HCN1: variants seen among roughly 807,000 people sequenced by gnomAD.
HCN1 encodes hyperpolarization activated cyclic nucleotide gated potassium channel 1.
A neutral mutation model predicts 78.9 loss-of-function variants in HCN1; 13 were observed. The ratio of observed to expected loss-of-function variants is 0.16; its 90% CI spans 0.11 to 0.26. HCN1 has a LOEUF of 0.26. Ranked by LOEUF, HCN1 falls within the 10% of genes least tolerant of loss-of-function variation. The probability of loss-of-function intolerance (pLI) is 1.00; values close to 1 mark genes in which losing one functional copy is unlikely to be tolerated. For synonymous variants in HCN1, 552 were observed against 455.5 expected (o/e 1.21, Z -2.70); for missense variants, 810 against 1,154.3 (o/e 0.70, Z 4.32).
At chr5:45,618,019 G>T (rs941567214) in intron 2 of HCN1, among the ~76,000 whole-genome samples, 1 of 134,684 alleles carries the variant, frequency 7.4e-6, no homozygotes, top group Non-Finnish European at 1.7e-5. Flanking sequence ...ATTTTCTCAG[G>T]AGCTCATTAT....
At chr5:45,565,951 A>T (rs1375254439) in intron 2 of HCN1, among the ~76,000 whole-genome samples, 1 of 152,214 alleles carries the variant, frequency 6.6e-6, no homozygotes, top group Non-Finnish European at 1.5e-5. Flanking sequence ...AACAAAATAA[A>T]ATTGAAATGT....
intron 2 of HCN1, among the ~76,000 whole-genome samples, chr5:45,566,956 CAGGTTAT>C (rs1743720193): frequency 6.6e-6 from 1 of 152,120 alleles, no homozygotes; most frequent in African/African-American, 2.4e-5. Flanking sequence ...CTCTCTGATA[CAGGTTAT>C]AGGTTAAGAA....
At position 45,571,718 on chromosome 5, in the gene HCN1, G is replaced by A. The variant is rs577085827; in HGVS notation, c.849+73467C>T. On this transcript the variant is annotated intron_variant, in intron 2 of 7. Coordinates refer to ENST00000303230, the MANE Select transcript of HCN1 (RefSeq NM_021072.4). Reference sequence around the variant, plus strand: ...TCACCTGAAGTCAGTAGTTTGAGACGAGCCTGACTAACATGGTGAAACCCC... The same window carrying A: ...TCACCTGAAGTCAGTAGTTTGAGACAAGCCTGACTAACATGGTGAAACCCC... Among the ~76,000 whole-genome samples the A allele has an allele frequency of 1.1e-4, 17 of 152,046 alleles. No individual in the cohort carries two copies. The Middle Eastern group carries it at 0.01, about 91-fold the overall frequency.
chr5:45,287,597 C>A (rs1745292932), intron 6 of HCN1, among the ~76,000 whole-genome samples: 1 of 152,020 alleles, frequency 6.6e-6, no homozygotes, highest in African/African-American at 2.4e-5. Context: ...TGTGTGCTCA[C>A]AATTCAATTT....
intron 3 of HCN1, among the ~76,000 whole-genome samples, chr5:45,401,763 T>C (rs1443199947): frequency 2.0e-5 from 3 of 151,846 alleles, no homozygotes; most frequent in African/African-American, 2.4e-5. Flanking sequence ...CAGGTCTCCA[T>C]ATAGAGAAAT....
rs1280412882 is a variant in HCN1 at position 45,651,776 on chromosome 5, G to T, written c.426-6168C>A. 3.9e-5 allele frequency among the ~76,000 whole-genome samples: 6 copies of T among 151,996 alleles called. No individual in the cohort carries two copies. In the South Asian group the frequency reaches 1.0e-3, roughly 26 times the overall value. ...CAAAAAAGTTTCATTGGCCAGGTTT[G>T]CTACTTGGTCTAATGCCTTGATGTC... On this transcript the variant is annotated intron_variant, in intron 1 of 7. Coordinates refer to ENST00000303230, the MANE Select transcript of HCN1 (RefSeq NM_021072.4).
At chr5:45,467,504 AT>A (rs1414483434) in intron 2 of HCN1, among the ~76,000 whole-genome samples, 1 of 152,080 alleles carries the variant, frequency 6.6e-6, no homozygotes, top group African/African-American at 2.4e-5. Flanking sequence ...TGAAAAAAAA[AT>A]GTCAACTTCT....
Position 45,442,105 on chromosome 5 carries a change from T to G in HCN1, c.1011+19741A>C, listed in dbSNP as rs551561652. Among the ~76,000 whole-genome samples, 24 of 152,298 alleles carry G rather than the reference T, an allele frequency of 1.6e-4. 2 individuals carry two copies. The highest frequency in any genetic ancestry group is 5.5e-4 in the African/African-American group (23 of 41,576). ...ATAAGCTGTTTGATAATTTATCATATTATTATTGAAGCAAGTTGTCAAACC... is the reference window on the plus strand; with the variant it reads ...ATAAGCTGTTTGATAATTTATCATAGTATTATTGAAGCAAGTTGTCAAACC... On this transcript the variant is annotated intron_variant, in intron 3 of 7. Transcript: ENST00000303230.
chr5:45,328,554 G>T (rs764490238), intron 5 of HCN1, among the ~76,000 whole-genome samples: 5 of 151,602 alleles, frequency 3.3e-5, no homozygotes, highest in Non-Finnish European at 3.0e-5. Flanking sequence ...TAATGATACA[G>T]CAACAGTTTA....
At chr5:45,419,685 A>G (rs1358263414) in intron 3 of HCN1, among the ~76,000 whole-genome samples, 1 of 152,118 alleles carries the variant, frequency 6.6e-6, no homozygotes, top group Non-Finnish European at 1.5e-5. Flanking sequence ...GAAGAAGGAA[A>G]ATGTGACCAG....
At chr5:45,434,000 TA>T (rs1299509362) in intron 3 of HCN1, among the ~76,000 whole-genome samples, 2 of 152,224 alleles carry the variant, frequency 1.3e-5, no homozygotes, top group Non-Finnish European at 2.9e-5. Flanking sequence ...ATGCATGGTA[TA>T]TTAGTTAAGC....
At chr5:45,341,721 C>A (rs1432579124) in intron 5 of HCN1, among the ~76,000 whole-genome samples, 1 of 152,120 alleles carries the variant, frequency 6.6e-6, no homozygotes, top group Non-Finnish European at 1.5e-5. Context: ...TTCACCACTG[C>A]ACTCCAGCCT....
intron 1 of HCN1, among the ~76,000 whole-genome samples, chr5:45,676,994 A>T (rs1281195101): frequency 6.6e-6 from 1 of 151,838 alleles, no homozygotes; most frequent in East Asian, 1.9e-4. Flanking sequence ...AATTTTTTTC[A>T]GCAGTTGCTT....
rs942754888 is a variant in HCN1, at chr5:45,353,043, A to G, written c.1377+57T>C. On this transcript the variant is annotated intron_variant, in intron 5 of 7. Transcript: ENST00000303230. ...AACGTGGACTAGAAGATTCTCCATG[A>G]AGAGAGAAAATAAACAATGATTATG... 8 of 1,434,350 alleles carry G rather than the reference A, an allele frequency of 5.6e-6. No homozygotes were observed. In the Admixed American group the frequency reaches 1.2e-4, roughly 21 times the overall value. 88.9% of individuals were successfully genotyped at this position (1,434,350 alleles called of 1,614,324 possible). A position where few individuals can be genotyped will look rare whatever the true frequency, so the allele number is the denominator to read the frequency against.
intron 4 of HCN1, among the ~76,000 whole-genome samples, chr5:45,359,360 A>C (rs1412654058): frequency 6.6e-6 from 1 of 151,108 alleles, no homozygotes; most frequent in Non-Finnish European, 1.5e-5. Flanking sequence ...CAAATCTATA[A>C]AACACTGCCT....
intron 2 of HCN1, among the ~76,000 whole-genome samples, chr5:45,641,308 T>C (rs1210308932): frequency 2.0e-5 from 3 of 152,218 alleles, no homozygotes; most frequent in Non-Finnish European, 4.4e-5. Flanking sequence ...CCCTATGGAA[T>C]AAATTTCCTT....
intron 2 of HCN1, among the ~76,000 whole-genome samples, chr5:45,593,231 C>G (rs199517313): frequency 1.5e-5 from 2 of 136,716 alleles, no homozygotes; most frequent in Admixed American, 1.5e-4. Context: ...CACACACACA[C>G]ACAGACACAC....
At chr5:45,339,525 G>A (rs916882312) in intron 5 of HCN1, among the ~76,000 whole-genome samples, 1 of 152,148 alleles carries the variant, frequency 6.6e-6, no homozygotes, top group Non-Finnish European at 1.5e-5. Context: ...GCCATGAAGA[G>A]CCTCTGTGTC....
At chr5:45,674,955 T>C (rs1013162828) in intron 1 of HCN1, among the ~76,000 whole-genome samples, 1 of 151,662 alleles carries the variant, frequency 6.6e-6, no homozygotes, top group African/African-American at 2.4e-5. Context: ...TAATAAGATA[T>C]GCATGCATAT....
Sources: gnomAD v4.1 joint callset for allele counts (sites outside exome capture counted in the v4.1 genomes callset) on GRCh38, gnomAD v4.1.1 for gene constraint, MANE v1.5 for transcripts, NCBI Gene and HGNC (gene_info 2026-07-23, HGNC 2026-07-21) for gene names.